Variants in CTNNA2 observed in about 807,000 individuals in gnomAD.
CTNNA2 encodes catenin alpha-2.
Under a neutral mutation model 101.0 loss-of-function variants are expected in CTNNA2, and 42 were observed. The ratio of observed to expected loss-of-function variants is 0.42; its 90% CI spans 0.32 to 0.54. The LOEUF (loss-of-function observed/expected upper bound fraction) is 0.54, where lower values mean the gene tolerates loss of function less well. Among genes scored for constraint, CTNNA2 ranks in the 20% least tolerant of loss-of-function variants. The probability of loss-of-function intolerance (pLI) is 0.14; values close to 1 mark genes in which losing one functional copy is unlikely to be tolerated. For synonymous variants in CTNNA2, 450 were observed against 456.4 expected (o/e 0.99, Z 0.18); for missense variants, 871 against 1,223.1 (o/e 0.71, Z 4.29).
chr2:80,615,057 T>C (rs931739736), intron 17 of CTNNA2, among the ~76,000 whole-genome samples: 5 of 151,378 alleles, frequency 3.3e-5, no homozygotes, highest in Admixed American at 2.6e-4. Context: ...AGTTGATATG[T>C]GAACAAGGTG....
In CTNNA2 at chr2:79,971,438, G is replaced by T. The variant is rs150544166; in HGVS notation, c.1056+61641G>T. Reference sequence around the variant, plus strand: ...CGGGTCTTTATCTCCACAGTGCCTCGATAAAGAATATGAACGCTAGCTCTT... The same window carrying T: ...CGGGTCTTTATCTCCACAGTGCCTCTATAAAGAATATGAACGCTAGCTCTT... On this transcript the variant is annotated intron_variant, in intron 7 of 18. Transcript: ENST00000402739. Among the ~76,000 whole-genome samples the T allele has an allele frequency of 2.5e-3, 383 of 152,072 alleles. 2 individuals carry two copies. Among genetic ancestry groups the T allele is most frequent in the African/African-American group, 8.8e-3 (366 of 41,486 alleles).
chr2:80,065,877 A>G (rs1697952605), intron 7 of CTNNA2, among the ~76,000 whole-genome samples: 1 of 152,204 alleles, frequency 6.6e-6, no homozygotes, highest in Non-Finnish European at 1.5e-5. Flanking sequence ...AAGAATGTAC[A>G]CTCAGAGAAG....
intron 7 of CTNNA2, among the ~76,000 whole-genome samples, chr2:80,109,813 C>T (rs1370668449): frequency 6.6e-6 from 1 of 152,140 alleles, no homozygotes; most frequent in Non-Finnish European, 1.5e-5. Flanking sequence ...TCCTGGCTCC[C>T]CACCCACGGT....
intron 9 of CTNNA2, among the ~76,000 whole-genome samples, chr2:80,502,770 C>G (rs539286905): frequency 1.8e-4 from 27 of 152,134 alleles, no homozygotes; most frequent in Non-Finnish European, 2.5e-4. Flanking sequence ...TTCTGGGACC[C>G]AGGTAGCCAG....
intron 2 of CTNNA2, among the ~76,000 whole-genome samples, chr2:79,280,411 G>T (rs1381238206): frequency 1.3e-5 from 2 of 152,142 alleles, no homozygotes; most frequent in East Asian, 1.9e-4. Flanking sequence ...GGACATTTCT[G>T]CAAGCAAGCA....
At chr2:79,767,533 A>T (rs973774124) in intron 3 of CTNNA2, among the ~76,000 whole-genome samples, 1 of 152,056 alleles carries the variant, frequency 6.6e-6, no homozygotes, top group African/African-American at 2.4e-5. Context: ...CGTTGTAGTG[A>T]TCTAAGCTGT....
At chr2:79,354,514 T>G (rs1677462255) in intron 3 of CTNNA2, among the ~76,000 whole-genome samples, 1 of 152,208 alleles carries the variant, frequency 6.6e-6, no homozygotes, top group Non-Finnish European at 1.5e-5. Context: ...TAGTGAATTT[T>G]TCAGTTCCAT....
chr2:80,176,009 T>C (rs866181884), intron 7 of CTNNA2, among the ~76,000 whole-genome samples: 5 of 152,182 alleles, frequency 3.3e-5, no homozygotes, highest in African/African-American at 1.2e-4. Context: ...TCCACCCAGA[T>C]TGAGGGTGGG....
At chr2:79,367,192 G>A (rs577494245) in intron 3 of CTNNA2, among the ~76,000 whole-genome samples, 26 of 152,282 alleles carry the variant, frequency 1.7e-4, no homozygotes, top group Non-Finnish European at 3.2e-4. Context: ...CAAGAAGGAG[G>A]CTGGCCATCC....
chr2:79,970,247 A>G (rs958096191), intron 7 of CTNNA2, among the ~76,000 whole-genome samples: 4 of 152,130 alleles, frequency 2.6e-5, no homozygotes, highest in South Asian at 2.1e-4. Flanking sequence ...GGCTCCCCCA[A>G]AGTCAACCTG....
intron 1 of CTNNA2, among the ~76,000 whole-genome samples, chr2:79,571,727 C>T (rs765078672): frequency 6.6e-6 from 1 of 152,140 alleles, no homozygotes; most frequent in Non-Finnish European, 1.5e-5. Context: ...TAATCTGGTC[C>T]CAACATGTTT....
intron 3 of CTNNA2, among the ~76,000 whole-genome samples, chr2:79,316,947 A>C (rs1028478131): frequency 6.6e-6 from 1 of 152,020 alleles, no homozygotes; most frequent in Non-Finnish European, 1.5e-5. Flanking sequence ...TGGAATTGAA[A>C]AAAGCAGACG....
At chr2:80,307,411 G>T (rs968740128) in intron 7 of CTNNA2, among the ~76,000 whole-genome samples, 6 of 151,906 alleles carry the variant, frequency 3.9e-5, no homozygotes, top group Non-Finnish European at 7.4e-5. Flanking sequence ...ACAGCAAGTC[G>T]ATATGGCTGT....
intron 7 of CTNNA2, among the ~76,000 whole-genome samples, chr2:80,306,644 A>G (rs959693111): frequency 9.2e-5 from 14 of 151,776 alleles, no homozygotes; most frequent in Admixed American, 5.9e-4. Flanking sequence ...CAAGACAATT[A>G]TTCGTGACAG....
chr2:80,318,413 G>C (rs1385996698), intron 7 of CTNNA2, among the ~76,000 whole-genome samples: 1 of 152,138 alleles, frequency 6.6e-6, no homozygotes, highest in Non-Finnish European at 1.5e-5. Context: ...TCCTGGTGTA[G>C]TGAAGATAGA....
At chr2:79,458,503 T>C (rs1670847727) in intron 4 of CTNNA2, among the ~76,000 whole-genome samples, 1 of 152,126 alleles carries the variant, frequency 6.6e-6, no homozygotes, top group Admixed American at 6.6e-5. Context: ...GGAAGCTATA[T>C]AACAAAATTC....
intron 7 of CTNNA2, among the ~76,000 whole-genome samples, chr2:80,051,176 T>G (rs145788871): frequency 0.013 from 1,928 of 152,350 alleles, 16 homozygotes; most frequent in Non-Finnish European, 0.022. Flanking sequence ...ATGAGAATAT[T>G]TAGGATCTCA....
At chr2:79,414,304 C>T (rs1032710787) in intron 4 of CTNNA2, among the ~76,000 whole-genome samples, 1 of 151,920 alleles carries the variant, frequency 6.6e-6, no homozygotes, top group African/African-American at 2.4e-5. Context: ...GGGAATTAAG[C>T]ATGAACCTCA....
intron 4 of CTNNA2, among the ~76,000 whole-genome samples, chr2:79,470,659 G>C (rs527752440): frequency 1.3e-5 from 2 of 152,138 alleles, no homozygotes; most frequent in Non-Finnish European, 2.9e-5. Context: ...TCCTAGGAAT[G>C]CATCACAGAA....
Sources: gnomAD v4.1 joint callset for allele counts (sites outside exome capture counted in the v4.1 genomes callset) on GRCh38, gnomAD v4.1.1 for gene constraint, MANE v1.5 for transcripts, NCBI Gene and HGNC (gene_info 2026-07-23, HGNC 2026-07-21) for gene names.